IPO11: variants seen among roughly 807,000 people sequenced by gnomAD.
The protein encoded by IPO11 is importin 11, also known as importin-11.
In IPO11, 66 loss-of-function variants were observed where a neutral mutation model predicts 143.2. The ratio of observed to expected loss-of-function variants is 0.46; its 90% CI spans 0.38 to 0.57. The LOEUF is 0.57. Among genes scored for constraint, IPO11 ranks in the 20% least tolerant of loss-of-function variants. The pLI, the probability that IPO11 is intolerant of heterozygous loss-of-function variation, is 0.00. For synonymous variants in IPO11, 385 were observed against 377.8 expected (o/e 1.02, Z -0.22); for missense variants, 1,026 against 1,141.0 (o/e 0.90, Z 1.45).
At chr5:62,489,565 T>C (rs1003538444) in intron 14 of IPO11, among the ~76,000 whole-genome samples, 1 of 152,176 alleles carries the variant, frequency 6.6e-6, no homozygotes, top group Non-Finnish European at 1.5e-5. Flanking sequence ...CCAGATAGTT[T>C]GGTGTGTCTA....
intron 5 of IPO11, among the ~76,000 whole-genome samples, chr5:62,463,001 T>C (rs1005393326): frequency 1.3e-5 from 2 of 152,008 alleles, no homozygotes; most frequent in Non-Finnish European, 2.9e-5. Context: ...TACACACATA[T>C]ATTACTTATA....
At chr5:62,598,535 CTTTTCTTTCTT>C (rs1561380986) in intron 28 of IPO11, among the ~76,000 whole-genome samples, 2 of 5,842 alleles carry the variant, frequency 3.4e-4, no homozygotes, top group African/African-American at 3.1e-3. Flanking sequence ...TCTTTTCTTT[CTTTTCTTTCTT>C]TTCTTTCTTT....
At chr5:62,476,096 G>C (rs944393152) in intron 8 of IPO11, among the ~76,000 whole-genome samples, 4 of 152,192 alleles carry the variant, frequency 2.6e-5, no homozygotes, top group African/African-American at 9.6e-5. Flanking sequence ...ATATTGTGTA[G>C]TTACTATGTT....
At chr5:62,460,272 A>G (rs987661674) in intron 5 of IPO11, among the ~76,000 whole-genome samples, 1 of 152,140 alleles carries the variant, frequency 6.6e-6, no homozygotes, top group African/African-American at 2.4e-5. Context: ...CATGTCTTAC[A>G]AATCTTTTAA....
At chr5:62,593,036 C>T (rs921678284) in intron 28 of IPO11, among the ~76,000 whole-genome samples, 6 of 152,162 alleles carry the variant, frequency 3.9e-5, no homozygotes, top group African/African-American at 1.4e-4. Flanking sequence ...CCTTTGTCCT[C>T]TTTGGAGTAT....
At chr5:62,423,753 A>C (rs1743598291) in intron 1 of IPO11, among the ~76,000 whole-genome samples, 1 of 152,210 alleles carries the variant, frequency 6.6e-6, no homozygotes. Flanking sequence ...TTTTTTTGGC[A>C]AGCAGCCCTT....
intron 28 of IPO11, among the ~76,000 whole-genome samples, chr5:62,592,402 T>C (rs1355102340): frequency 6.6e-6 from 1 of 152,198 alleles, no homozygotes; most frequent in Non-Finnish European, 1.5e-5. Flanking sequence ...TTGAATCTTA[T>C]TAAACATATT....
At chr5:62,446,729 G>A (rs1207098064) in intron 3 of IPO11, among the ~76,000 whole-genome samples, 1 of 152,172 alleles carries the variant, frequency 6.6e-6, no homozygotes, top group Non-Finnish European at 1.5e-5. Flanking sequence ...AGCACCTTGG[G>A]AGGCCGAGGC....
intron 1 of IPO11, among the ~76,000 whole-genome samples, chr5:62,425,120 C>T (rs1292772621): frequency 6.6e-6 from 1 of 152,182 alleles, no homozygotes; most frequent in African/African-American, 2.4e-5. Context: ...TTCTTTCTCT[C>T]AGGAGCTCAG....
chr5:62,603,569 A>G (rs968486648), intron 29 of IPO11, among the ~76,000 whole-genome samples: 2 of 152,228 alleles, frequency 1.3e-5, no homozygotes, highest in Non-Finnish European at 2.9e-5. Context: ...CCAGTCCTGG[A>G]CAGGACACCA....
At chr5:62,492,312 C>T (rs1746647658) in intron 15 of IPO11, among the ~76,000 whole-genome samples, 1 of 152,178 alleles carries the variant, frequency 6.6e-6, no homozygotes, top group Non-Finnish European at 1.5e-5. Flanking sequence ...GTTACTTCTG[C>T]CTCTGTCACT....
intron 1 of IPO11, among the ~76,000 whole-genome samples, chr5:62,435,154 A>ATG (rs1561309001): frequency 2.6e-4 from 16 of 62,722 alleles, no homozygotes; most frequent in Non-Finnish European, 2.8e-4. Context: ...GTATATATGT[A>ATG]TATATATGTA....
At position 62,551,311 on chromosome 5, in the gene IPO11, A is replaced by T. The variant is rs371372717; in HGVS notation, c.2435A>T (p.Glu812Val). The T allele has an allele frequency of 4.8e-5, 77 of 1,595,234 alleles. No homozygotes were observed. Among genetic ancestry groups the T allele is most frequent in the Non-Finnish European group, 6.4e-5 (74 of 1,164,832 alleles). The change falls in exon 26 of 30, where the codon GAG becomes GTG. Residue 812 changes from glutamate to valine, a missense_variant. By Grantham distance (121) the Glu-to-Val change is moderately radical. Transcript: ENST00000325324. ...AGTTTTTTTTCTTCACTACTTAATG[A>T]GATGGCCCATAAATTTAATCAGGAG... ...NTSFFSSLLN[E>V]MAHKFNQEMD...
intron 10 of IPO11, among the ~76,000 whole-genome samples, chr5:62,483,766 G>A (rs375911852): frequency 9.9e-5 from 15 of 152,236 alleles, no homozygotes; most frequent in African/African-American, 3.4e-4. Flanking sequence ...TTATGAGGAA[G>A]TTATTTCAGT....
Position 62,489,303 on chromosome 5 carries a change from AC to A in IPO11, c.1314del (p.Thr439GlnfsTer6). The A allele has an allele frequency of 6.5e-7, 1 of 1,539,726 alleles. No homozygotes were observed. Among genetic ancestry groups the A allele is most frequent in the Non-Finnish European group, 8.8e-7 (1 of 1,136,002 alleles). On this transcript the variant is annotated frameshift_variant and splice_region_variant, in exon 14 of 30. Coordinates refer to ENST00000325324, the MANE Select transcript of IPO11 (RefSeq NM_016338.5). LOFTEE classifies it high-confidence loss of function. ...LLEMMQTLQG[P>X]TNVEDMNALL... ...CCTATTTATATATATATTTTTTAGG[AC>A]CCACAAATGTGGAAGATATGAATGC...
chr5:62,578,376 G>C (rs1429961945), intron 27 of IPO11, among the ~76,000 whole-genome samples: 3 of 151,886 alleles, frequency 2.0e-5, no homozygotes, highest in African/African-American at 4.8e-5. Flanking sequence ...TAAAGTTTAA[G>C]TCTTCAATGC....
At chr5:62,519,334 C>T (rs772812364) in intron 20 of IPO11, among the ~76,000 whole-genome samples, 9 of 152,222 alleles carry the variant, frequency 5.9e-5, no homozygotes, top group Middle Eastern at 3.4e-3. Context: ...CAGTACCCTG[C>T]TCCTCCTCCT....
At chr5:62,520,355 A>G (rs1055338614) in intron 20 of IPO11, among the ~76,000 whole-genome samples, 1 of 151,610 alleles carries the variant, frequency 6.6e-6, no homozygotes, top group Non-Finnish European at 1.5e-5. Context: ...TACTTTCATC[A>G]TCTTGAAGAG....
chr5:62,537,509 T>C (rs1054313510), intron 24 of IPO11, among the ~76,000 whole-genome samples: 34 of 152,260 alleles, frequency 2.2e-4, no homozygotes, highest in African/African-American at 7.7e-4. Context: ...GGACATCTTA[T>C]AAAAATTCAA....
Sources: gnomAD v4.1 joint callset for allele counts (sites outside exome capture counted in the v4.1 genomes callset) on GRCh38, gnomAD v4.1.1 for gene constraint, MANE v1.5 for transcripts, NCBI Gene and HGNC (gene_info 2026-07-23, HGNC 2026-07-21) for gene names.